PTGER3: variants seen among roughly 807,000 people sequenced by gnomAD.
The protein encoded by PTGER3 is prostaglandin E receptor 3.
PTGER3 carries 22 observed loss-of-function variants against 34.7 expected under a neutral mutation model. The observed-to-expected ratio is 0.63, with a 90% CI of 0.45 to 0.91. The LOEUF (loss-of-function observed/expected upper bound fraction) is 0.91, where lower values mean the gene tolerates loss of function less well. Ranked by LOEUF, PTGER3 falls within the 40% of genes least tolerant of loss-of-function variation. PTGER3 has a pLI of 0.00. For missense variants in PTGER3, 468 were observed against 519.4 expected, an observed-to-expected ratio of 0.90 and a Z score of 0.96; for synonymous variants, 241 against 230.1, an observed-to-expected ratio of 1.05 and a Z score of -0.43.
chr1:70,935,776 G>C (rs1385388042), intron 4 of PTGER3, among the ~76,000 whole-genome samples: 1 of 150,660 alleles, frequency 6.6e-6, no homozygotes, highest in African/African-American at 2.5e-5. Context: ...GAGATCCATG[G>C]GATCAAAGAT....
chr1:70,904,704 C>G (rs1468895207), intron 4 of PTGER3, among the ~76,000 whole-genome samples: 5 of 152,142 alleles, frequency 3.3e-5, no homozygotes, highest in Admixed American at 3.3e-4. Context: ...CAAGATGTGA[C>G]TTGGGTGCTG....
chr1:70,991,289 T>C, intron 2 of PTGER3, among the ~76,000 whole-genome samples: 1 of 152,158 alleles, frequency 6.6e-6, no homozygotes, highest in Non-Finnish European at 1.5e-5. Context: ...ACTGCTCCTT[T>C]CTTGGAAACC....
intron 4 of PTGER3, among the ~76,000 whole-genome samples, chr1:70,909,433 A>T (rs889317776): frequency 5.3e-5 from 8 of 152,240 alleles, no homozygotes; most frequent in African/African-American, 1.7e-4. Context: ...TATGAAAAAT[A>T]TTGTGTAATC....
At chr1:70,930,433 C>T (rs1336168952) in intron 4 of PTGER3, among the ~76,000 whole-genome samples, 1 of 152,218 alleles carries the variant, frequency 6.6e-6, no homozygotes, top group East Asian at 1.9e-4. Context: ...CACTCTCCAT[C>T]TCCTTACACT....
intron 4 of PTGER3, among the ~76,000 whole-genome samples, chr1:70,886,823 T>C (rs1366651540): frequency 6.6e-6 from 1 of 152,196 alleles, no homozygotes; most frequent in East Asian, 1.9e-4. Flanking sequence ...AATGAATGAA[T>C]GAAGTGACTT....
intron 4 of PTGER3, among the ~76,000 whole-genome samples, chr1:70,932,670 C>T (rs1049636127): frequency 6.6e-6 from 1 of 152,014 alleles, no homozygotes; most frequent in African/African-American, 2.4e-5. Flanking sequence ...GAAATTGCAC[C>T]CATGATTTAT....
intron 4 of PTGER3, among the ~76,000 whole-genome samples, chr1:70,873,206 T>A (rs1296800967): frequency 2.6e-5 from 4 of 152,186 alleles, no homozygotes; most frequent in Admixed American, 1.3e-4. Flanking sequence ...ATAGGAAGAA[T>A]AAATAAGCTA....
intron 4 of PTGER3, among the ~76,000 whole-genome samples, chr1:70,914,735 G>T (rs1647136462): frequency 6.6e-6 from 1 of 151,826 alleles, no homozygotes; most frequent in Non-Finnish European, 1.5e-5. Flanking sequence ...TTAATATATT[G>T]AATAATAGCT....
intron 2 of PTGER3, chr1:71,011,849 G>C: frequency 9.8e-7 from 1 of 1,015,818 alleles, no homozygotes; most frequent in African/African-American, 1.7e-5. Flanking sequence ...GCTATCCCTT[G>C]TCTTCAATGA....
intron 4 of PTGER3, among the ~76,000 whole-genome samples, chr1:70,906,076 G>C (rs1409661124): frequency 6.6e-6 from 1 of 152,022 alleles, no homozygotes; most frequent in Middle Eastern, 3.2e-3. Context: ...CTCTCTCTTT[G>C]CCTGCCACCA....
intron 4 of PTGER3, among the ~76,000 whole-genome samples, chr1:70,905,018 C>T (rs1646915842): frequency 6.6e-6 from 1 of 152,022 alleles, no homozygotes; most frequent in African/African-American, 2.4e-5. Context: ...GACTTGGTGC[C>T]CTGTGTCTCA....
At chr1:70,974,586 G>A (rs886668285) in intron 2 of PTGER3, among the ~76,000 whole-genome samples, 198 bp from the exon 3 acceptor site, 20 of 152,034 alleles carry the variant, frequency 1.3e-4, no homozygotes, top group African/African-American at 3.1e-4. Flanking sequence ...CATCAAATAC[G>A]ACTTGCAGGC....
intron 4 of PTGER3, among the ~76,000 whole-genome samples, chr1:70,930,592 G>GAT (rs1648590874): frequency 6.6e-6 from 1 of 152,070 alleles, no homozygotes; most frequent in East Asian, 1.9e-4. Flanking sequence ...TGGCTAGGGG[G>GAT]GCCTCAGAAT....
At chr1:70,969,707 T>C (rs1452765005), downstream of PTGER3, among the ~76,000 whole-genome samples, 4 of 152,006 alleles carry the variant, frequency 2.6e-5, no homozygotes, top group African/African-American at 7.3e-5. Context: ...TATCGTGAGG[T>C]CTTAAAAACA....
intron 4 of PTGER3, among the ~76,000 whole-genome samples, chr1:70,893,778 C>A (rs1572573174): frequency 6.6e-6 from 1 of 152,288 alleles, no homozygotes; most frequent in East Asian, 1.9e-4. Context: ...GTTCCAAAGT[C>A]TATTGCTGCT....
At chr1:70,954,820 A>C (rs1651148126) in intron 2 of PTGER3, among the ~76,000 whole-genome samples, 1 of 147,542 alleles carries the variant, frequency 6.8e-6, no homozygotes, top group Admixed American at 7.0e-5. Flanking sequence ...CAACACTAAA[A>C]GGAAGAAAAA....
At chr1:70,924,819 T>C (rs1195383094) in intron 4 of PTGER3, among the ~76,000 whole-genome samples, 2 of 152,162 alleles carry the variant, frequency 1.3e-5, no homozygotes, top group South Asian at 2.1e-4. Context: ...CTTTAATCCA[T>C]GAACTCACCC....
At chr1:70,892,971 A>G (rs1049285929) in intron 4 of PTGER3, among the ~76,000 whole-genome samples, 9 of 151,924 alleles carry the variant, frequency 5.9e-5, no homozygotes, top group African/African-American at 2.2e-4. Flanking sequence ...TATCTGATCT[A>G]TGTGCTTTCT....
rs374460727 is a variant in PTGER3 at position 71,012,389 on chromosome 1, A to G, written c.993T>C (p.Ala331=). 1.6e-4 allele frequency: 252 copies of G among 1,614,070 alleles called. No individual in the cohort carries two copies. The highest frequency in any genetic ancestry group is 1.9e-4 in the Non-Finnish European group (224 of 1,180,048). The change falls in exon 2 of 4, where the codon GCT becomes GCC. Residue 331 remains alanine, a synonymous_variant. Coordinates refer to ENST00000306666, the MANE Select transcript of PTGER3 (RefSeq NM_198719.2). ...KQKECNFFLI[A]VRLASLNQIL... ...TCTGGTTCAGTGAAGCCAGGCGAAC[A>G]GCTATTAAGAAGAAGTTGCATTCTT...
Sources: gnomAD v4.1 joint callset for allele counts (sites outside exome capture counted in the v4.1 genomes callset) on GRCh38, gnomAD v4.1.1 for gene constraint, MANE v1.5 for transcripts, NCBI Gene and HGNC (gene_info 2026-07-23, HGNC 2026-07-21) for gene names.